The following RP1 variants were observed in gnomAD, a reference collection of about 807,000 sequenced individuals.
RP1 encodes the protein oxygen-regulated protein 1.
Under a neutral mutation model 14.8 loss-of-function variants are expected in RP1, and 16 were observed. The observed-to-expected ratio is 1.08, with a 90% CI of 0.73 to 1.65. The LOEUF is 1.65. Ranked by LOEUF, RP1 falls within the 40% of genes most tolerant of loss-of-function variation. The pLI is 0.00. For missense variants in RP1, 2,631 were observed against 2,535.0 expected, an observed-to-expected ratio of 1.04 and a Z score of -0.81; for synonymous variants, 876 against 883.6, an observed-to-expected ratio of 0.99 and a Z score of 0.15.
intron 1 of RP1, among the ~76,000 whole-genome samples, chr8:54,576,090 G>C (rs1038900274): frequency 1.3e-5 from 2 of 149,760 alleles, no homozygotes; most frequent in Non-Finnish European, 1.5e-5. Flanking sequence ...ACCCAGGCTG[G>C]AGTGCAGTGG....
intron 24 of RP1, among the ~76,000 whole-genome samples, chr8:54,817,265 G>A (rs1285260170): frequency 1.3e-5 from 2 of 152,170 alleles, no homozygotes; most frequent in Non-Finnish European, 1.5e-5. Context: ...ATGACTGAGA[G>A]ACAGACTGAA....
intron 12 of RP1, among the ~76,000 whole-genome samples, chr8:54,695,549 C>T (rs1384338133): frequency 6.6e-6 from 1 of 151,944 alleles, no homozygotes; most frequent in Non-Finnish European, 1.5e-5. Flanking sequence ...ATCATTAGAA[C>T]AATAAGAAGA....
chr8:54,742,957 G>C (rs1809134862), intron 19 of RP1, among the ~76,000 whole-genome samples: 1 of 152,172 alleles, frequency 6.6e-6, no homozygotes, highest in African/African-American at 2.4e-5. Context: ...ACCAAGGGAG[G>C]CATCATCCAT....
intron 17 of RP1, among the ~76,000 whole-genome samples, chr8:54,733,484 T>C (rs1053526291): frequency 6.6e-6 from 1 of 152,194 alleles, no homozygotes; most frequent in Non-Finnish European, 1.5e-5. Context: ...TTTTTATTTA[T>C]ATATTTTTGC....
chr8:54,570,402 C>G (rs1396694050), intron 1 of RP1, among the ~76,000 whole-genome samples: 1 of 147,910 alleles, frequency 6.8e-6, no homozygotes, highest in Non-Finnish European at 1.5e-5. Context: ...GATCTCGGCT[C>G]ACTGCAACCT....
chr8:54,747,364 AT>A (rs1159113719), intron 19 of RP1, among the ~76,000 whole-genome samples: 1 of 152,110 alleles, frequency 6.6e-6, no homozygotes, highest in Non-Finnish European at 1.5e-5. Context: ...GGGAGCCCAC[AT>A]TTGCTCTTGA....
intron 12 of RP1, among the ~76,000 whole-genome samples, chr8:54,684,209 T>C (rs571125030): frequency 5.9e-5 from 9 of 152,160 alleles, no homozygotes; most frequent in Admixed American, 4.6e-4. Context: ...TTGTATCTGT[T>C]TGCCAGGATT....
intron 19 of RP1, among the ~76,000 whole-genome samples, chr8:54,744,614 C>A (rs563123374): frequency 1.3e-5 from 2 of 152,122 alleles, no homozygotes; most frequent in Admixed American, 6.5e-5. Flanking sequence ...TCTCTTGCAG[C>A]CCTATTCAAG....
chr8:54,859,197 CA>C (rs1391897463), intron 27 of RP1, among the ~76,000 whole-genome samples: 20 of 149,428 alleles, frequency 1.3e-4, no homozygotes, highest in Non-Finnish European at 1.5e-4. Flanking sequence ...CACTGTAGTG[CA>C]ATGTCACTGT....
chr8:54,626,279 T>G lies in RP1; in HGVS notation c.2397T>G (p.Asp799Glu), dbSNP rs762140861. ...APKKREIGQR[D>E]KVFPHNESKY... The stretch of plus-strand genomic sequence containing the variant: ...AAAAAAGAGAAATCGGTCAAAGAGA[T>G]AAAGTGTTTCCTCACAATGAATCTA... Residue 799 changes from aspartate (D) to glutamate (E), a missense_variant, in exon 4 of 4, where the codon GAT (aspartate) becomes GAG (glutamate). By Grantham distance (45) the Asp-to-Glu change is conservative. Coordinates refer to ENST00000220676, the MANE Select transcript of RP1 (RefSeq NM_006269.2). 6.2e-7 allele frequency: 1 copy of G among 1,613,344 alleles called. No individual in the cohort carries two copies. Among genetic ancestry groups the G allele is most frequent in the Non-Finnish European group, 8.5e-7 (1 of 1,179,642 alleles).
At chr8:54,836,804 T>C (rs1811667541) in intron 24 of RP1, among the ~76,000 whole-genome samples, 1 of 152,194 alleles carries the variant, frequency 6.6e-6, no homozygotes, top group Admixed American at 6.6e-5. Flanking sequence ...AGTAATTAAG[T>C]CTGTGGTAAT....
rs116421040 is a variant in RP1, at chr8:54,764,644, A to G, written c.3249-5097A>G. Among the ~76,000 whole-genome samples the G allele has an allele frequency of 4.1e-3, 631 of 152,284 alleles. 6 individuals carry two copies. The highest frequency in any genetic ancestry group is 0.015 in the African/African-American group (603 of 41,566). On this transcript the variant is annotated intron_variant, in intron 22 of 22. Coordinates refer to the RP1 transcript ENST00000636932. ...TCTTATATTTTTACTTTCAGCTCCT[A>G]TCGTTTCTGAAATAGAAGGGAACTA...
At chr8:54,613,495 C>T (rs748103988), upstream of RP1, among the ~76,000 whole-genome samples, 8 of 152,136 alleles carry the variant, frequency 5.3e-5, no homozygotes, top group Non-Finnish European at 1.0e-4. Context: ...AGGTATTGAG[C>T]TGTTTCTGGA....
chr8:54,703,223 G>A (rs1356246951), intron 14 of RP1, among the ~76,000 whole-genome samples: 1 of 152,186 alleles, frequency 6.6e-6, no homozygotes, highest in Non-Finnish European at 1.5e-5. Context: ...GTCTATGGCA[G>A]CTATAGTATT....
At chr8:54,803,611 T>A (rs1585705836) in intron 24 of RP1, among the ~76,000 whole-genome samples, 1 of 152,202 alleles carries the variant, frequency 6.6e-6, no homozygotes, top group South Asian at 2.1e-4. Flanking sequence ...GTGAGGTATA[T>A]CTTTATTTAC....
intron 14 of RP1, among the ~76,000 whole-genome samples, chr8:54,702,324 A>G (rs1242411449): frequency 1.3e-5 from 2 of 152,216 alleles, no homozygotes; most frequent in Non-Finnish European, 2.9e-5. Flanking sequence ...AAGATATTGT[A>G]GGTTCATTTC....
intron 17 of RP1, among the ~76,000 whole-genome samples, chr8:54,727,043 G>C (rs1379054299): frequency 1.3e-5 from 2 of 152,042 alleles, no homozygotes; most frequent in East Asian, 3.9e-4. Flanking sequence ...TGAAATAGGG[G>C]ACCATCTCTG....
intron 21 of RP1, among the ~76,000 whole-genome samples, chr8:54,756,332 G>C (rs942452188): frequency 6.6e-6 from 1 of 152,140 alleles, no homozygotes; most frequent in African/African-American, 2.4e-5. Context: ...TGGAGAGAAG[G>C]TACTATTTGA....
chr8:54,629,806 G>T lies in RP1; in HGVS notation c.5924G>T (p.Ser1975Ile). 6.2e-7 allele frequency: 1 copy of T among 1,612,174 alleles called. No homozygotes were observed. The highest frequency in any genetic ancestry group is 8.5e-7 in the Non-Finnish European group (1 of 1,179,220). ...NVFREENNKA[S>I]MRQNLIDNAI... The stretch of plus-strand genomic sequence containing the variant: ...TTCAGGGAAGAGAACAATAAAGCAA[G>T]TATGAGACAAAATCTTATTGATAAT... Residue 1975 changes from serine to isoleucine, a missense_variant, in exon 4 of 4, where the codon AGT becomes ATT. Physicochemically the swap from Ser to Ile is moderately radical, Grantham distance 142. Coordinates refer to ENST00000220676, the MANE Select transcript of RP1 (RefSeq NM_006269.2).
Sources: allele counts gnomAD v4.1 joint callset (sites outside exome capture counted in the v4.1 genomes callset), GRCh38; gene constraint gnomAD v4.1.1; transcripts MANE v1.5; gene names NCBI Gene and HGNC (gene_info 2026-07-23, HGNC 2026-07-21).